SEPTIN4: variants seen among roughly 807,000 people sequenced by gnomAD.
SEPTIN4 encodes the protein septin 4.
Under a neutral mutation model 107.1 loss-of-function variants are expected in SEPTIN4, and 52 were observed. The ratio of observed to expected loss-of-function variants is 0.49; its 90% CI spans 0.39 to 0.61. The LOEUF (loss-of-function observed/expected upper bound fraction) is 0.61. Among genes scored for constraint, SEPTIN4 ranks in the 20% least tolerant of loss-of-function variants. The probability of loss-of-function intolerance (pLI) is 0.00; values close to 1 mark genes in which losing one functional copy is unlikely to be tolerated. For synonymous variants in SEPTIN4, 417 were observed against 467.0 expected (o/e 0.89, Z 1.38); for missense variants, 1,048 against 1,243.5 (o/e 0.84, Z 2.36).
At chr17:58,529,349 CT>C in intron 3 of SEPTIN4, 1 of 1,474,870 alleles carries the variant, frequency 6.8e-7, no homozygotes, top group South Asian at 1.4e-5. Context: ...CCAAAAAAGC[CT>C]GTGGAATGTC....
chr17:58,526,983 G>T lies in SEPTIN4; in HGVS notation c.1615-5C>A, dbSNP rs762325761. On this transcript the variant is annotated splice_region_variant and splice_polypyrimidine_tract_variant and intron_variant, in intron 3 of 13. Transcript: ENST00000672673. ...GTCCTCCAGGAAACGCTTGATCTGG[G>T]GGAAGCGGGGTGGGTAGAATAGATG... The T allele has an allele frequency of 1.9e-6, 3 of 1,614,042 alleles. No individual in the cohort carries two copies. In the East Asian group the frequency reaches 6.7e-5, roughly 36 times the overall value.
In SEPTIN4 at chr17:58,525,731, C is replaced by G; in HGVS notation, c.2056G>C (p.Asp686His). The change falls in exon 6 of 14, where the codon GAT becomes CAT. Residue 686 changes from aspartate to histidine, a missense_variant. Physicochemically the swap from Asp to His is moderately conservative, Grantham distance 81. Transcript: ENST00000672673. ...AGAAGTTTCCGGTCCCGGTACAGAT[C>G]AGTGAGGAAGAGGCTATTGACAAGT... is the stretch of plus-strand genomic sequence containing the variant. ...STLVNSLFLTDLYRDRKLLGA... is the reference protein window; with the variant it reads ...STLVNSLFLTHLYRDRKLLGA... 1.9e-6 allele frequency: 3 copies of G among 1,614,184 alleles called. No homozygotes were observed. The highest frequency in any genetic ancestry group is 2.5e-6 in the Non-Finnish European group (3 of 1,180,030).
intron 3 of SEPTIN4, chr17:58,531,520 C>T (rs1216763986): frequency 6.5e-6 from 1 of 152,928 alleles, no homozygotes; most frequent in Non-Finnish European, 1.5e-5. Context: ...TGGGCCTCCT[C>T]TGCGTTTTCC....
chr17:58,522,189 G>C, intron 7 of SEPTIN4, 88 bp from the exon 8 acceptor site: 1 of 1,534,860 alleles, frequency 6.5e-7, no homozygotes, highest in Non-Finnish European at 8.9e-7. Context: ...CCCACTCCCT[G>C]AGCAGTGTTT....
At chr17:58,542,551 G>A in intron 1 of SEPTIN4, 75 bp downstream of exon 1, 10 of 1,520,684 alleles carry the variant, frequency 6.6e-6, no homozygotes, top group Non-Finnish European at 8.8e-6. Context: ...ATGAAGAGGT[G>A]GTCTTTCCTG....
intron 3 of SEPTIN4, chr17:58,529,022 T>G: frequency 6.7e-7 from 1 of 1,488,602 alleles, no homozygotes. Context: ...GCTCTGCCAG[T>G]GACCAAATCA....
intron 3 of SEPTIN4, among the ~76,000 whole-genome samples, chr17:58,540,079 G>A (rs2043835767): frequency 6.6e-6 from 1 of 152,218 alleles, no homozygotes; most frequent in Non-Finnish European, 1.5e-5. Context: ...AGAAAATAAT[G>A]GAAGTAGGAA....
chr17:58,531,138 GA>G (rs1408529813), intron 3 of SEPTIN4: 1 of 152,434 alleles, frequency 6.6e-6, no homozygotes, highest in East Asian at 1.9e-4. Flanking sequence ...ACAATGTCAG[GA>G]GAAGAGATTA....
At chr17:58,540,772 C>A (rs2043858893) in intron 2 of SEPTIN4, 99 bp from the exon 3 acceptor site, 1 of 1,249,072 alleles carries the variant, frequency 8.0e-7, no homozygotes, top group East Asian at 3.2e-5. Context: ...ACTAAAGATG[C>A]CCAGTGGACT....
Position 58,538,194 on chromosome 17 carries a change from G to A in SEPTIN4, c.1614+2472C>T, listed in dbSNP as rs540820102. Among the ~76,000 whole-genome samples, 7 of 152,314 alleles carry A rather than the reference G, an allele frequency of 4.6e-5. No individual in the cohort carries two copies. In the East Asian group the frequency reaches 9.6e-4, roughly 21 times the overall value. ...GAGTTCCTCAGAGGCTTTGGATTTC[G>A]CTTTGTAAAGGAAGCCAACCTGAGC... On this transcript the variant is annotated intron_variant, in intron 3 of 13. Transcript: ENST00000672673. This position sits in a 1 kb window ranked among gnomAD's most constrained non-coding sequence, Gnocchi z 4.7.
chr17:58,532,895 G>A (rs1013275852), intron 3 of SEPTIN4, among the ~76,000 whole-genome samples: 8 of 152,202 alleles, frequency 5.3e-5, no homozygotes, highest in Non-Finnish European at 5.9e-5. Flanking sequence ...TGGTGAGTGG[G>A]GTGTTGGTGA....
chr17:58,537,669 A>G (rs1388634821), intron 3 of SEPTIN4, among the ~76,000 whole-genome samples: 1 of 152,064 alleles, frequency 6.6e-6, no homozygotes, highest in African/African-American at 2.4e-5. Flanking sequence ...GTCTCCACTA[A>G]AAATACAAAA....
rs1233742411 is a variant in SEPTIN4 at position 58,541,921 on chromosome 17, C to A, written c.1606+1G>T. The A allele has an allele frequency of 2.5e-6, 4 of 1,614,122 alleles. No homozygotes were observed. The stretch of plus-strand genomic sequence containing the variant: ...GGCCCATAGGAGGGAAAAGCACAGA[C>A]CTTTTAGCCACCAGATGACACGATT... On this transcript the variant is annotated splice_donor_variant, in intron 2 of 13. Transcript: ENST00000672673. LOFTEE classifies it high-confidence loss of function.
rs1447890107 is a variant in SEPTIN4, at chr17:58,542,692, C to T, written c.1495G>A (p.Glu499Lys). The T allele has an allele frequency of 2.5e-6, 4 of 1,614,214 alleles. No homozygotes were observed. Among genetic ancestry groups the T allele is most frequent in the East Asian group, 4.5e-5 (2 of 44,890 alleles). Residue 499 changes from glutamate (E) to lysine (K), a missense_variant, in exon 1 of 14, where the codon GAA becomes AAA. Around this residue, in one of 2 missense-constraint regions of SEPTIN4, gnomAD observed 787 missense variants for 871.8 expected, o/e 0.90. Coordinates refer to ENST00000672673, the MANE Select transcript of SEPTIN4 (RefSeq NM_001368771.2). ...KEFPSWAPLS[E>K]VPQTPKHTCK... ...GTGTGCTTGGGGGTCTGTGGCACTTCACTCAGTGGTGCCCAACTTGGAAAC... is the reference window on the plus strand; with the variant it reads ...GTGTGCTTGGGGGTCTGTGGCACTTTACTCAGTGGTGCCCAACTTGGAAAC...
intron 2 of SEPTIN4, among the ~76,000 whole-genome samples, chr17:58,541,386 C>T (rs1224505117): frequency 6.6e-6 from 1 of 152,184 alleles, no homozygotes; most frequent in African/African-American, 2.4e-5. Flanking sequence ...GGACACTTCT[C>T]TTAAGGATTC....
At position 58,543,530 on chromosome 17, in the gene SEPTIN4, T is replaced by C; in HGVS notation, c.657A>G (p.Pro219=). 1 of 1,614,208 alleles carries C rather than the reference T, an allele frequency of 6.2e-7. No homozygotes were observed. The highest frequency in any genetic ancestry group is 2.2e-5 in the East Asian group (1 of 44,886). The change falls in exon 1 of 14, where the codon CCA becomes CCG. Residue 219 remains proline (P), a synonymous_variant. Coordinates refer to ENST00000672673, the MANE Select transcript of SEPTIN4 (RefSeq NM_001368771.2). ...RITTTSEIRS[P]RSPSLLEHGS... ...CGTGCTCTAGGAGAGAGGGACTCCT[T>C]GGAGATCTGATCTCACTAGTAGTCG...
intron 7 of SEPTIN4, among the ~76,000 whole-genome samples, chr17:58,523,537 A>G (rs999471620): frequency 3.9e-5 from 6 of 152,032 alleles, no homozygotes; most frequent in Non-Finnish European, 8.8e-5. Flanking sequence ...TGATTGAAAC[A>G]TGTTAGAGAA....
chr17:58,522,653 A>AC (rs1438099248), intron 7 of SEPTIN4, among the ~76,000 whole-genome samples: 2 of 145,530 alleles, frequency 1.4e-5, no homozygotes, highest in African/African-American at 5.2e-5. Flanking sequence ...CCAGACTGTC[A>AC]CAAAAAAAAA....
rs1189950602 is a variant in SEPTIN4, at chr17:58,543,912, G to C, written c.275C>G (p.Pro92Arg). ...VPTPRGPETG[P>R]RTESSRHSSP... Reference sequence around the variant, plus strand: ...GGAATGGCGGGATGATTCTGTTCTTGGTCCAGTCTCGGGTCCCCGAGGAGT... The same window carrying C: ...GGAATGGCGGGATGATTCTGTTCTTCGTCCAGTCTCGGGTCCCCGAGGAGT... Residue 92 changes from proline to arginine, a missense_variant, in exon 1 of 14, where the codon CCA becomes CGA. Coordinates refer to ENST00000672673, the MANE Select transcript of SEPTIN4 (RefSeq NM_001368771.2). 1 of 1,613,962 alleles carries C rather than the reference G, an allele frequency of 6.2e-7. No individual in the cohort carries two copies. Among genetic ancestry groups the C allele is most frequent in the Admixed American group, 1.7e-5 (1 of 60,006 alleles).
Sources: gnomAD v4.1 joint callset for allele counts (sites outside exome capture counted in the v4.1 genomes callset) on GRCh38, gnomAD v4.1.1 for gene constraint, gnomAD v4.1.1 regional missense constraint, Gnocchi (gnomAD v3.1) non-coding constraint, MANE v1.5 for transcripts, NCBI Gene and HGNC (gene_info 2026-07-23, HGNC 2026-07-21) for gene names.